The following PPP1R12B variants were observed in gnomAD, a reference collection of about 807,000 sequenced individuals.
The protein encoded by PPP1R12B is protein phosphatase 1 regulatory subunit 12B.
A neutral mutation model predicts 126.1 loss-of-function variants in PPP1R12B; 76 were observed. The observed-to-expected ratio is 0.60, with a 90% CI of 0.50 to 0.73. The LOEUF (loss-of-function observed/expected upper bound fraction) is 0.73. Ranked by LOEUF, PPP1R12B falls within the 30% of genes least tolerant of loss-of-function variation. PPP1R12B has a pLI of 0.00. For missense variants in PPP1R12B, 1,052 were observed against 1,205.1 expected (o/e 0.87, Z 1.88); for synonymous variants, 356 against 434.7 (o/e 0.82, Z 2.25).
intron 18 of PPP1R12B, among the ~76,000 whole-genome samples, chr1:202,506,774 G>C (rs1185988264): frequency 6.6e-6 from 1 of 152,142 alleles, no homozygotes; most frequent in Non-Finnish European, 1.5e-5. Context: ...GTTTATAAAA[G>C]ATAGTAAATT....
intron 18 of PPP1R12B, chr1:202,527,555 A>G (rs1210781336): frequency 6.6e-6 from 1 of 152,216 alleles, no homozygotes; most frequent in African/African-American, 2.4e-5. Context: ...ACTTTATGAC[A>G]ATAAGCTTGA....
chr1:202,424,985 A>C (rs1669311613), intron 3 of PPP1R12B, among the ~76,000 whole-genome samples: 1 of 152,204 alleles, frequency 6.6e-6, no homozygotes, highest in African/African-American at 2.4e-5. Flanking sequence ...AAAGTATATC[A>C]ATACCTGAAA....
At chr1:202,486,921 A>G (rs1678212533) in intron 13 of PPP1R12B, among the ~76,000 whole-genome samples, 1 of 152,242 alleles carries the variant, frequency 6.6e-6, no homozygotes, top group Non-Finnish European at 1.5e-5. Flanking sequence ...TCTTACAGAA[A>G]TAGACATGTA....
At chr1:202,390,143 C>G (rs1663901137) in intron 1 of PPP1R12B, among the ~76,000 whole-genome samples, 1 of 152,110 alleles carries the variant, frequency 6.6e-6, no homozygotes, top group African/African-American at 2.4e-5. Context: ...CAACTATGGT[C>G]AACTGATATA....
At chr1:202,506,889 CA>C (rs1244989365) in intron 18 of PPP1R12B, among the ~76,000 whole-genome samples, 1 of 152,148 alleles carries the variant, frequency 6.6e-6, no homozygotes, top group East Asian at 1.9e-4. Context: ...GGGCTACTTT[CA>C]GGGAATACAG....
At chr1:202,471,063 CTCT>C (rs1675810249) in intron 13 of PPP1R12B, among the ~76,000 whole-genome samples, 1 of 152,168 alleles carries the variant, frequency 6.6e-6, no homozygotes, top group Non-Finnish European at 1.5e-5. Flanking sequence ...TCAGTCTCAT[CTCT>C]TGACTCTCTG....
chr1:202,432,676 T>G (rs986200215), intron 8 of PPP1R12B, among the ~76,000 whole-genome samples: 1 of 152,226 alleles, frequency 6.6e-6, no homozygotes. Flanking sequence ...AGGTTTTGAT[T>G]TATAGTCAGG....
chr1:202,509,196 G>C lies in PPP1R12B; in HGVS notation c.2490+12374G>C, dbSNP rs188815603. Among the ~76,000 whole-genome samples the C allele has an allele frequency of 2.6e-3, 225 of 85,670 alleles. 6 individuals are homozygous for C. The East Asian group carries it at 0.08, about 30-fold the overall frequency. 56.2% of individuals were successfully genotyped at this position (85,670 alleles called of 152,430 possible). Reference sequence around the variant, plus strand: ...AGCACTTCTCTGATAACTCAGCATTGTGCCAATTCCCGATTCTTTGTTATC... The same window carrying C: ...AGCACTTCTCTGATAACTCAGCATTCTGCCAATTCCCGATTCTTTGTTATC... On this transcript the variant is annotated intron_variant, in intron 18 of 23. Coordinates refer to ENST00000608999, the MANE Select transcript of PPP1R12B (RefSeq NM_002481.4).
chr1:202,397,943 G>A (rs1209001478), intron 1 of PPP1R12B, among the ~76,000 whole-genome samples: 1 of 152,100 alleles, frequency 6.6e-6, no homozygotes, highest in Non-Finnish European at 1.5e-5. Flanking sequence ...ATGGAGTCTT[G>A]CCCTGTCGCC....
chr1:202,537,765 G>A (rs947554772), intron 18 of PPP1R12B, among the ~76,000 whole-genome samples: 2 of 152,140 alleles, frequency 1.3e-5, no homozygotes, highest in Non-Finnish European at 1.5e-5. Context: ...AATGTAAACC[G>A]GTGACTTTCA....
chr1:202,554,195 ATTAG>A (rs547194011), intron 18 of PPP1R12B, among the ~76,000 whole-genome samples: 215 of 152,258 alleles, frequency 1.4e-3, no homozygotes, highest in African/African-American at 5.0e-3. Flanking sequence ...ACCAATGAAA[ATTAG>A]TTAGGAAGTA....
At chr1:202,427,230 G>T in intron 5 of PPP1R12B, 46 bp downstream of exon 5, 1 of 1,607,356 alleles carries the variant, frequency 6.2e-7, no homozygotes, top group Non-Finnish European at 8.5e-7. Flanking sequence ...TTGGTGGCTG[G>T]GTCTCTAGAA....
intron 18 of PPP1R12B, among the ~76,000 whole-genome samples, chr1:202,548,494 G>A (rs1685884804): frequency 6.6e-6 from 1 of 151,950 alleles, no homozygotes; most frequent in Non-Finnish European, 1.5e-5. Flanking sequence ...CCTAATAGCT[G>A]GGACTATAGG....
At chr1:202,354,927 G>A (rs372253294) in intron 1 of PPP1R12B, among the ~76,000 whole-genome samples, 2 of 151,364 alleles carry the variant, frequency 1.3e-5, no homozygotes, top group Non-Finnish European at 2.9e-5. Flanking sequence ...CCGGGTTCAC[G>A]CCATTCTCCT....
At chr1:202,503,617 C>T (rs974766563) in intron 18 of PPP1R12B, among the ~76,000 whole-genome samples, 2 of 152,128 alleles carry the variant, frequency 1.3e-5, no homozygotes, top group African/African-American at 4.8e-5. Context: ...AGCCCTGGAG[C>T]ACTCCGAAAT....
chr1:202,484,667 A>G (rs572612042), intron 13 of PPP1R12B, among the ~76,000 whole-genome samples: 14 of 152,296 alleles, frequency 9.2e-5, no homozygotes, highest in African/African-American at 3.1e-4. Context: ...TTGTAAGGCT[A>G]GTCTAGTGGT....
At chr1:202,470,185 G>A (rs1012929402) in intron 13 of PPP1R12B, among the ~76,000 whole-genome samples, 56 of 152,144 alleles carry the variant, frequency 3.7e-4, no homozygotes, top group African/African-American at 4.6e-4. Flanking sequence ...GCCTACTTAC[G>A]CAAGCTAGAA....
intron 1 of PPP1R12B, among the ~76,000 whole-genome samples, chr1:202,406,515 A>G (rs558839426): frequency 1.3e-5 from 2 of 152,330 alleles, no homozygotes; most frequent in Admixed American, 6.5e-5. Flanking sequence ...TGAACCAAGT[A>G]GTTTCTTGAC....
At chr1:202,572,215 T>C (rs1688671540) in intron 23 of PPP1R12B, among the ~76,000 whole-genome samples, 1 of 152,202 alleles carries the variant, frequency 6.6e-6, no homozygotes, top group Non-Finnish European at 1.5e-5. Context: ...TGGGACCCAG[T>C]AGAGCTTGGG....
Sources: allele counts gnomAD v4.1 joint callset (sites outside exome capture counted in the v4.1 genomes callset), GRCh38; gene constraint gnomAD v4.1.1; transcripts MANE v1.5; gene names NCBI Gene and HGNC (gene_info 2026-07-23, HGNC 2026-07-21).